The following TOP1 variants were observed in gnomAD, a reference collection of about 807,000 sequenced individuals.
TOP1 encodes the protein DNA topoisomerase 1.
Under a neutral mutation model 111.1 loss-of-function variants are expected in TOP1, and 10 were observed. The observed-to-expected ratio is 0.09, with a 90% confidence interval of 0.06 to 0.15. The LOEUF is 0.15. Among genes scored for constraint, TOP1 ranks in the 10% least tolerant of loss-of-function variants. TOP1 has a pLI of 1.00. For missense variants in TOP1, 474 were observed against 926.7 expected, an observed-to-expected ratio of 0.51 and a Z score of 6.34; for synonymous variants, 271 against 302.9, an observed-to-expected ratio of 0.89 and a Z score of 1.10.
At position 41,061,298 on chromosome 20, in the gene TOP1, A is replaced by G; in HGVS notation, c.59-96A>G. 8.3e-7 allele frequency: 1 copy of G among 1,199,870 alleles called. No homozygotes were observed. Among genetic ancestry groups the G allele is most frequent in the South Asian group, 1.5e-5 (1 of 68,622 alleles). 74.3% of individuals were successfully genotyped at this position (1,199,870 alleles called of 1,614,324 possible). A position where few individuals can be genotyped will look rare whatever the true frequency, so the allele number is the denominator to read the frequency against. ...GCTATTATGCCTACCATGCCATTTG[A>G]ATCCTGTCATTGTACTTCTTGACCA... On this transcript the variant is annotated intron_variant, in intron 2 of 20. Coordinates refer to ENST00000361337, the MANE Select transcript of TOP1 (RefSeq NM_003286.4). This position sits in a 1 kb window ranked among gnomAD's most constrained non-coding sequence, Gnocchi z 4.6.
chr20:41,038,081 G>A (rs2033211863), intron 2 of TOP1, among the ~76,000 whole-genome samples: 1 of 152,292 alleles, frequency 6.6e-6, no homozygotes, highest in South Asian at 2.1e-4. Flanking sequence ...GCCCACAATA[G>A]GGTTGGATTT....
chr20:41,066,084 C>T (rs577739642), intron 3 of TOP1, among the ~76,000 whole-genome samples: 1 of 152,170 alleles, frequency 6.6e-6, no homozygotes, highest in Non-Finnish European at 1.5e-5. Context: ...GAAGAAATTC[C>T]AAAAGACTTT....
chr20:41,071,264 T>C lies in TOP1; in HGVS notation c.156-4907T>C, dbSNP rs1174369411. On this transcript the variant is annotated intron_variant, in intron 3 of 20. Transcript: ENST00000361337. This position sits in a 1 kb window ranked among gnomAD's most constrained non-coding sequence, Gnocchi z 4.3. ...TGGTCACCCTTTTCTGTGGTCTGCT[T>C]AGCTCCAACAAGAATCATAGACCAA... 1.3e-5 allele frequency among the ~76,000 whole-genome samples: 2 copies of C among 152,214 alleles called. No homozygotes were observed. The highest frequency in any genetic ancestry group is 4.8e-5 in the African/African-American group (2 of 41,452).
chr20:41,055,363 G>A (rs1274398500), intron 2 of TOP1, among the ~76,000 whole-genome samples: 1 of 152,226 alleles, frequency 6.6e-6, no homozygotes, highest in African/African-American at 2.4e-5. Context: ...ATGAATTCCA[G>A]TTAAGGGGAA....
intron 2 of TOP1, among the ~76,000 whole-genome samples, chr20:41,054,826 C>CT (rs1015898062): frequency 1.3e-5 from 2 of 152,134 alleles, no homozygotes; most frequent in South Asian, 2.1e-4. Context: ...AAAAGGATTT[C>CT]TTTTTTTTCT....
At chr20:41,111,779 G>C (rs781592074) in intron 13 of TOP1, among the ~76,000 whole-genome samples, 8 of 152,038 alleles carry the variant, frequency 5.3e-5, no homozygotes, top group Non-Finnish European at 5.9e-5. Flanking sequence ...TAAGAGCAGA[G>C]ATTCTTGGAT....
chr20:41,028,935 G>C lies in TOP1; in HGVS notation c.-133G>C, dbSNP rs527662831. ...GCCTCAGCCGTTTCTGGAGTCTCGG[G>C]CCCACAGTCACCGCCGCTTACCTGC... On this transcript the variant is annotated 5_prime_UTR_variant, in exon 1 of 21. Transcript: ENST00000361337. 1 of 712,518 alleles carries C rather than the reference G, an allele frequency of 1.4e-6. No homozygotes were observed. The highest frequency in any genetic ancestry group is 2.4e-5 in the Admixed American group (1 of 41,086). 44.1% of individuals were successfully genotyped at this position (712,518 alleles called of 1,614,324 possible).
rs1223950531 is a variant in TOP1, at chr20:41,083,177, G to A, written c.508-1285G>A. On this transcript the variant is annotated intron_variant, in intron 7 of 20. Transcript: ENST00000361337. This position sits in a 1 kb window ranked among gnomAD's most constrained non-coding sequence, Gnocchi z 7.2. ...AATGTAGCCAGTAGTTTCCTGATGG[G>A]ACCAGCTGGATGCCTGCTCAGAAGC... Among the ~76,000 whole-genome samples, 1 of 152,134 alleles carries A rather than the reference G, an allele frequency of 6.6e-6. No homozygotes were observed. Among genetic ancestry groups the A allele is most frequent in the Non-Finnish European group, 1.5e-5 (1 of 68,014 alleles).
Position 41,116,533 on chromosome 20 carries a change from C to T in TOP1, c.1822+141C>T. ...CTTTTTCCCTTTAGACCTCTAGTAG[C>T]GAGATAATGCTTTGTTGTATAAACA... On this transcript the variant is annotated intron_variant, in intron 17 of 20. Transcript: ENST00000361337. The surrounding 1 kb of genome is among the most constrained non-coding windows in gnomAD (Gnocchi z 5.6). The T allele has an allele frequency of 1.7e-6, 1 of 605,274 alleles. No individual in the cohort carries two copies. Among genetic ancestry groups the T allele is most frequent in the Non-Finnish European group, 3.0e-6 (1 of 338,762 alleles). 37.5% of individuals were successfully genotyped at this position (605,274 alleles called of 1,614,324 possible).
chr20:41,038,371 TAGAAC>T (rs2033215788), intron 2 of TOP1, among the ~76,000 whole-genome samples: 1 of 152,172 alleles, frequency 6.6e-6, no homozygotes, highest in Non-Finnish European at 1.5e-5. Flanking sequence ...AGGTGAAGCT[TAGAAC>T]AGAATTTTTA....
chr20:41,110,882 G>T lies in TOP1; in HGVS notation c.1309-1900G>T, dbSNP rs1212292717. 6.6e-6 allele frequency among the ~76,000 whole-genome samples: 1 copy of T among 152,160 alleles called. No individual in the cohort carries two copies. The highest frequency in any genetic ancestry group is 1.5e-5 in the Non-Finnish European group (1 of 68,026). ...GCAGGGACAAGCATACTTCTTGGAG[G>T]CCAGCCATCTCCTGCTGGATCTAAG... On this transcript the variant is annotated intron_variant, in intron 13 of 20. Transcript: ENST00000361337. The surrounding 1 kb of genome is among the most constrained non-coding windows in gnomAD (Gnocchi z 4.2).
Position 41,101,378 on chromosome 20 carries a change from C to G in TOP1, c.1308+25C>G, listed in dbSNP as rs376325528. 2.4e-5 allele frequency: 38 copies of G among 1,608,476 alleles called. No homozygotes were observed. The highest frequency in any genetic ancestry group is 3.1e-5 in the Non-Finnish European group (37 of 1,175,642). On this transcript the variant is annotated intron_variant, in intron 13 of 20. Coordinates refer to ENST00000361337, the MANE Select transcript of TOP1 (RefSeq NM_003286.4). The surrounding 1 kb of genome is among the most constrained non-coding windows in gnomAD (Gnocchi z 4.1). ...GGTAAGGGGATAGTTGAGAGCTGCA[C>G]TGGTTCATGGTGCTGATAACCTTTT...
rs372412499 is a variant in TOP1 at position 41,056,961 on chromosome 20, G to T, written c.59-4433G>T. Among the ~76,000 whole-genome samples, 45 of 151,946 alleles carry T rather than the reference G, an allele frequency of 3.0e-4. 1 individual carries two copies. The East Asian group carries it at 8.3e-3, about 28-fold the overall frequency. ...CTTAAAATCAATTTTGAAATTTTGT[G>T]CATTAAAAAAAAAATGTGGCCGGGC... On this transcript the variant is annotated intron_variant, in intron 2 of 20. Coordinates refer to ENST00000361337, the MANE Select transcript of TOP1 (RefSeq NM_003286.4).
Position 41,029,850 on chromosome 20 carries a change from G to A in TOP1, c.58+395G>A, listed in dbSNP as rs2033095501. 3.9e-6 allele frequency: 1 copy of A among 259,672 alleles called. No homozygotes were observed. Among genetic ancestry groups the A allele is most frequent in the Non-Finnish European group, 7.6e-6 (1 of 130,952 alleles). 16.1% of individuals were successfully genotyped at this position (259,672 alleles called of 1,614,324 possible). A position where few individuals can be genotyped will look rare whatever the true frequency, so the allele number is the denominator to read the frequency against. ...CCTCCCTCGGCTCTTTCCTTGAGCT[G>A]CCCAGAATGAGCTTTCTGCAGAGCA... On this transcript the variant is annotated intron_variant, in intron 2 of 20. Transcript: ENST00000361337. This position sits in a 1 kb window ranked among gnomAD's most constrained non-coding sequence, Gnocchi z 6.1.
rs1224102783 is a variant in TOP1 at position 41,029,362 on chromosome 20, CCG to C, written c.34-61_34-60del. ...GGGCGCAGGGTGAGCCAGACCCCGG[CCG>C]CGCGCGCTCGCCGCCGGAGGGGTTA... On this transcript the variant is annotated intron_variant, in intron 1 of 20. Coordinates refer to ENST00000361337, the MANE Select transcript of TOP1 (RefSeq NM_003286.4). The surrounding 1 kb of genome is among the most constrained non-coding windows in gnomAD (Gnocchi z 6.1). The C allele has an allele frequency of 3.6e-6, 5 of 1,392,004 alleles. No individual in the cohort carries two copies. The Admixed American group carries it at 1.2e-4, about 32-fold the overall frequency. 86.2% of individuals were successfully genotyped at this position (1,392,004 alleles called of 1,614,324 possible). A position where few individuals can be genotyped will look rare whatever the true frequency, so the allele number is the denominator to read the frequency against.
chr20:41,048,610 G>A (rs1169546643), intron 2 of TOP1, among the ~76,000 whole-genome samples: 1 of 152,146 alleles, frequency 6.6e-6, no homozygotes, highest in Non-Finnish European at 1.5e-5. Context: ...CTTACTATTA[G>A]AAAGTGAAAT....
At chr20:41,050,362 C>T (rs537921614) in intron 2 of TOP1, among the ~76,000 whole-genome samples, 1 of 152,324 alleles carries the variant, frequency 6.6e-6, no homozygotes, top group South Asian at 2.1e-4. Context: ...CTGAATCCTC[C>T]CAGCAGTTTT....
At chr20:41,048,718 CCTT>C (rs1330888193) in intron 2 of TOP1, among the ~76,000 whole-genome samples, 1 of 152,318 alleles carries the variant, frequency 6.6e-6, no homozygotes, top group East Asian at 1.9e-4. Context: ...GATCAGAAGA[CCTT>C]CTTGTAGATC....
chr20:41,112,329 T>G lies in TOP1; in HGVS notation c.1309-453T>G, dbSNP rs748124623. Among the ~76,000 whole-genome samples the G allele has an allele frequency of 6.6e-5, 10 of 152,208 alleles. No homozygotes were observed. Among genetic ancestry groups the G allele is most frequent in the South Asian group, 2.1e-4 (1 of 4,834 alleles). On this transcript the variant is annotated intron_variant, in intron 13 of 20. Transcript: ENST00000361337. This position sits in a 1 kb window ranked among gnomAD's most constrained non-coding sequence, Gnocchi z 5.8. Reference sequence around the variant, plus strand: ...AAATTGATGTGGGAATGGGGGTGATTATGTGCTTTGTGTTGACAGAAGTTA... The same window carrying G: ...AAATTGATGTGGGAATGGGGGTGATGATGTGCTTTGTGTTGACAGAAGTTA...
Sources: allele counts gnomAD v4.1 joint callset (sites outside exome capture counted in the v4.1 genomes callset), GRCh38; gene constraint gnomAD v4.1.1; non-coding constraint Gnocchi (gnomAD v3.1); transcripts MANE v1.5; gene names NCBI Gene and HGNC (gene_info 2026-07-23, HGNC 2026-07-21).